The following TMEM204 variants were observed in gnomAD, a reference collection of about 807,000 sequenced individuals.
TMEM204 encodes claudin-like protein 24.
In TMEM204, 15 loss-of-function variants were observed where a neutral mutation model predicts 19.4. The ratio of observed to expected loss-of-function variants is 0.77; its 90% CI spans 0.52 to 1.19. The LOEUF (loss-of-function observed/expected upper bound fraction) is 1.19, where lower values mean the gene tolerates loss of function less well. Ranked by LOEUF, TMEM204 falls within the 50% of genes most tolerant of loss-of-function variation. The probability of loss-of-function intolerance (pLI) is 0.00; values close to 1 mark genes in which losing one functional copy is unlikely to be tolerated. For missense variants in TMEM204, 287 were observed against 321.2 expected (o/e 0.89, Z 0.81); for synonymous variants, 161 against 146.0 (o/e 1.10, Z -0.74).
At chr16:1,550,281 CAG>C in intron 2 of TMEM204, among the ~76,000 whole-genome samples, 1 of 152,332 alleles carries the variant, frequency 6.6e-6, no homozygotes, top group South Asian at 2.1e-4. Flanking sequence ...TGGAAGCAGA[CAG>C]ATGCTCTGAG....
chr16:1,547,865 T>C (rs1009994903), intron 2 of TMEM204, among the ~76,000 whole-genome samples: 1 of 152,160 alleles, frequency 6.6e-6, no homozygotes, highest in African/African-American at 2.4e-5. Context: ...AAAGCATAGA[T>C]GGGGTCTTGC....
In TMEM204 at chr16:1,555,026, A is replaced by G. The variant is rs747961751; in HGVS notation, c.681A>G (p.Ter227TrpextTer18). Residue 227 changes from the stop codon to tryptophan (W), a stop_lost, in exon 3 of 3, where the codon TGA becomes TGG. Transcript: ENST00000566264. ...LDNDYVESPC[*>W] The stretch of plus-strand genomic sequence containing the variant: ...ATGACTACGTGGAGTCACCATGCTG[A>G]GTCGCCCTTCTCAGCGCTCCATCAA... 1 of 1,607,110 alleles carries G rather than the reference A, an allele frequency of 6.2e-7. No individual in the cohort carries two copies. Among genetic ancestry groups the G allele is most frequent in the Non-Finnish European group, 8.5e-7 (1 of 1,176,794 alleles).
At chr16:1,554,101 C>T (rs773606031) in intron 2 of TMEM204, 42 of 1,286,956 alleles carry the variant, frequency 3.3e-5, no homozygotes, top group East Asian at 5.6e-5. Context: ...GGGTCTAGAA[C>T]GAGAAGCACT....
intron 2 of TMEM204, among the ~76,000 whole-genome samples, chr16:1,552,022 G>A (rs186725506): frequency 1.4e-4 from 21 of 152,302 alleles, no homozygotes; most frequent in Non-Finnish European, 2.1e-4. Flanking sequence ...GACCCCCACG[G>A]CAACCGCAGA....
intron 2 of TMEM204, among the ~76,000 whole-genome samples, chr16:1,544,163 ACCTG>A (rs1417322597): frequency 7.3e-6 from 1 of 136,508 alleles, no homozygotes; most frequent in African/African-American, 2.6e-5. Context: ...GATTGCAGGC[ACCTG>A]CCACCACGCC....
At chr16:1,541,796 G>A in intron 1 of TMEM204, 125 bp from the exon 2 acceptor site, 1 of 1,196,542 alleles carries the variant, frequency 8.4e-7, no homozygotes, top group African/African-American at 1.6e-5. Flanking sequence ...ACTGCCCAAT[G>A]GAGGCACAGC....
upstream of TMEM204, chr16:1,530,694 A>ACCCGTGGGGAGCGGGAGAGAGCCCG (rs1257234697): frequency 4.1e-3 from 621 of 151,424 alleles, 2 homozygotes; most frequent in African/African-American, 0.013. Context: ...CGCGGAGGCC[A>ACCCGTGGGGAGCGGGAGAGAGCCCG]CCCGTGGGGA....
At chr16:1,545,591 C>T (rs1472285568) in intron 2 of TMEM204, among the ~76,000 whole-genome samples, 2 of 152,160 alleles carry the variant, frequency 1.3e-5, no homozygotes, top group Non-Finnish European at 2.9e-5. Context: ...TGTCACAGGA[C>T]AAGGAAACGC....
At chr16:1,548,243 C>A (rs2032336542) in intron 2 of TMEM204, among the ~76,000 whole-genome samples, 1 of 152,176 alleles carries the variant, frequency 6.6e-6, no homozygotes, top group Admixed American at 6.5e-5. Flanking sequence ...GCCAGTTGCA[C>A]CCAGTTTGCT....
intron 1 of TMEM204, chr16:1,541,240 A>G: frequency 1.0e-6 from 1 of 985,408 alleles, no homozygotes; most frequent in Middle Eastern, 5.2e-4. Flanking sequence ...CCACTGAGTG[A>G]AAGATTTGTG....
chr16:1,543,564 G>C (rs1407461561), intron 2 of TMEM204, among the ~76,000 whole-genome samples: 1 of 152,216 alleles, frequency 6.6e-6, no homozygotes, highest in Non-Finnish European at 1.5e-5. Flanking sequence ...ATCGACGTGG[G>C]GTCAGGCAGA....
At chr16:1,538,999 TGCCAC>T (rs1398130073) in intron 1 of TMEM204, among the ~76,000 whole-genome samples, 1 of 152,070 alleles carries the variant, frequency 6.6e-6, no homozygotes, top group African/African-American at 2.4e-5. Context: ...AGCTGCACGG[TGCCAC>T]GCGGCCCCCC....
Position 1,554,790 on chromosome 16 carries a change from C to G in TMEM204, c.445C>G (p.Leu149Val). Residue 149 changes from leucine to valine, a missense_variant, in exon 3 of 3, where the codon CTG becomes GTG. Transcript: ENST00000566264. ...AAAFQLASFV[L>V]VIGLVTFYRI... ...CCTTCTCTCATCTGCAGGTTTTGTC[C>G]TGGTCATCGGGCTCGTGACTTTCTA... 1 of 1,614,160 alleles carries G rather than the reference C, an allele frequency of 6.2e-7. No individual in the cohort carries two copies. The highest frequency in any genetic ancestry group is 8.5e-7 in the Non-Finnish European group (1 of 1,180,020).
intron 2 of TMEM204, among the ~76,000 whole-genome samples, chr16:1,550,031 C>A (rs1485517844): frequency 6.6e-6 from 1 of 152,118 alleles, no homozygotes; most frequent in African/African-American, 2.4e-5. Flanking sequence ...TCACGGCTTA[C>A]TGCAGACTCG....
At chr16:1,546,605 T>C (rs1273607539) in intron 2 of TMEM204, among the ~76,000 whole-genome samples, 1 of 152,206 alleles carries the variant, frequency 6.6e-6, no homozygotes, top group East Asian at 1.9e-4. Flanking sequence ...ACGTGCTCCC[T>C]GGTGCAGCAC....
At chr16:1,537,433 C>A (rs2031189683) in intron 1 of TMEM204, among the ~76,000 whole-genome samples, 1 of 152,250 alleles carries the variant, frequency 6.6e-6, no homozygotes, top group African/African-American at 2.4e-5. Context: ...AGGGGACGCG[C>A]CCCGGACATC....
chr16:1,553,713 G>T lies in TMEM204; in HGVS notation c.437-1069G>T. 9.0e-7 allele frequency: 1 copy of T among 1,115,408 alleles called. No homozygotes were observed. The highest frequency in any genetic ancestry group is 2.2e-5 in the South Asian group (1 of 44,950). 69.1% of individuals were successfully genotyped at this position (1,115,408 alleles called of 1,614,324 possible). ...TGGCTGGAGGCCCCATGGCCTCCAGGACAATCTGTGGCCACATCCCCATGG... is the reference window on the plus strand; with the variant it reads ...TGGCTGGAGGCCCCATGGCCTCCAGTACAATCTGTGGCCACATCCCCATGG... On this transcript the variant is annotated intron_variant, in intron 2 of 2. Coordinates refer to ENST00000566264, the MANE Select transcript of TMEM204 (RefSeq NM_024600.6). The surrounding 1 kb of genome is among the most constrained non-coding windows in gnomAD (Gnocchi z 4.4).
Position 1,534,497 on chromosome 16 carries a change from G to C in TMEM204, c.222G>C (p.Glu74Asp). ...GCCAGGTGGACGCACATGACTGTGA[G>C]GCGCTGGGCTGGGGCTCCGAGGCAG... The part of the protein sequence containing the change: ...RAGQVDAHDC[E>D]ALGWGSEAAG... Residue 74 changes from glutamate (E) to aspartate (D), a missense_variant, in exon 1 of 3, where the codon GAG becomes GAC. Glu to Asp is a conservative substitution (Grantham distance 45). Coordinates refer to ENST00000566264, the MANE Select transcript of TMEM204 (RefSeq NM_024600.6). 6.2e-7 allele frequency: 1 copy of C among 1,609,572 alleles called. No individual in the cohort carries two copies. Among genetic ancestry groups the C allele is most frequent in the Non-Finnish European group, 8.5e-7 (1 of 1,179,878 alleles).
Position 1,541,348 on chromosome 16 carries a change from G to A in TMEM204, c.281-573G>A. 4.1e-6 allele frequency: 4 copies of A among 985,424 alleles called. No individual in the cohort carries two copies. The East Asian group carries it at 4.5e-4, about 112-fold the overall frequency. The allele number at this position is 985,424 out of a possible 1,614,324, so 61.0% of individuals were successfully genotyped here. On this transcript the variant is annotated intron_variant, in intron 1 of 2. Transcript: ENST00000566264. ...CCCTGCTCAGCCCCTTGCTGGTTAT[G>A]AGGGGCCCAGATGAGCTGCTTCTCC...
Sources: allele counts gnomAD v4.1 joint callset (sites outside exome capture counted in the v4.1 genomes callset), GRCh38; gene constraint gnomAD v4.1.1; non-coding constraint Gnocchi (gnomAD v3.1); transcripts MANE v1.5; gene names NCBI Gene and HGNC (gene_info 2026-07-23, HGNC 2026-07-21).